The following ODR4 variants were observed in gnomAD, a reference collection of about 807,000 sequenced individuals.
The protein encoded by ODR4 is odr-4 GPCR localization factor homolog, also known as protein odr-4 homolog.
In ODR4, 47 loss-of-function variants were observed where a neutral mutation model predicts 60.2. The observed-to-expected ratio is 0.78, with a 90% CI of 0.62 to 1.00. ODR4 has a LOEUF of 1.00. ODR4 is among the 50% of genes least tolerant of loss of function. ODR4 has a pLI of 0.00. For missense variants in ODR4, 488 were observed against 530.8 expected, an observed-to-expected ratio of 0.92 and a Z score of 0.79; for synonymous variants, 178 against 175.5, an observed-to-expected ratio of 1.01 and a Z score of -0.11.
At chr1:186,426,254 A>G (rs1407284179), downstream of ODR4, among the ~76,000 whole-genome samples, 2 of 152,192 alleles carry the variant, frequency 1.3e-5, no homozygotes, top group South Asian at 2.1e-4. Context: ...TCCACAACAA[A>G]CAACCTCAAA....
intron 11 of ODR4, chr1:186,401,024 C>A (rs1285078922): frequency 6.3e-7 from 1 of 1,581,466 alleles, no homozygotes; most frequent in East Asian, 2.3e-5. Flanking sequence ...AGCTGCATTG[C>A]AGGTTTCAGG....
chr1:186,428,618 G>C, the ODR4 span, among the ~76,000 whole-genome samples: 1 of 152,298 alleles, frequency 6.6e-6, no homozygotes, highest in South Asian at 2.1e-4. Flanking sequence ...GTTGCAAGAG[G>C]CTTAGCTTTC....
intron 9 of ODR4, among the ~76,000 whole-genome samples, chr1:186,395,467 G>T (rs956113098): frequency 6.6e-6 from 1 of 152,108 alleles, no homozygotes; most frequent in African/African-American, 2.4e-5. Flanking sequence ...TGGAAATTTT[G>T]AAGTGACTAA....
At chr1:186,411,903 C>CTT (rs1661395394) in intron 12 of ODR4, 4 of 836,706 alleles carry the variant, frequency 4.8e-6, no homozygotes, top group Non-Finnish European at 5.8e-6. Context: ...GGTGTGTATA[C>CTT]TTACATGTAT....
intron 12 of ODR4, among the ~76,000 whole-genome samples, chr1:186,412,392 A>G (rs1184487405): frequency 2.0e-5 from 3 of 152,142 alleles, no homozygotes; most frequent in Non-Finnish European, 4.4e-5. Context: ...GTTTTGAAGG[A>G]TGAATACAAA....
At chr1:186,397,263 C>T (rs1660718702) in intron 9 of ODR4, among the ~76,000 whole-genome samples, 1 of 152,184 alleles carries the variant, frequency 6.6e-6, no homozygotes. Context: ...TTCCTGATTG[C>T]ATAAGCACAT....
intron 2 of ODR4, among the ~76,000 whole-genome samples, chr1:186,380,204 T>A (rs1283985871): frequency 1.3e-5 from 2 of 152,214 alleles, no homozygotes; most frequent in African/African-American, 4.8e-5. Flanking sequence ...AAGTGTTTTG[T>A]ATTCCCTTCT....
rs369487947 is a variant in ODR4 at position 186,378,682 on chromosome 1, C to T, written c.-19-1085C>T. Among the ~76,000 whole-genome samples, 8 of 152,046 alleles carry T rather than the reference C, an allele frequency of 5.3e-5. No homozygotes were observed. In the East Asian group the frequency reaches 1.5e-3, roughly 29 times the overall value. On this transcript the variant is annotated intron_variant, in intron 1 of 13. Transcript: ENST00000287859. Reference sequence around the variant, plus strand: ...GAGCCAGAGTGTCTGAATTTAAGTCCCTCCTTTGCCACTTACCCAGCTTTG... The same window carrying T: ...GAGCCAGAGTGTCTGAATTTAAGTCTCTCCTTTGCCACTTACCCAGCTTTG...
intron 12 of ODR4, chr1:186,411,827 A>T (rs1227005957): frequency 1.0e-6 from 1 of 972,750 alleles, no homozygotes; most frequent in Non-Finnish European, 1.2e-6. Flanking sequence ...ATAGAGATGG[A>T]TTAACAGTAG....
At chr1:186,411,832 CAGT>C (rs1661392631) in intron 12 of ODR4, 1 of 974,300 alleles carries the variant, frequency 1.0e-6, no homozygotes, top group Non-Finnish European at 1.2e-6. Flanking sequence ...GATGGATTAA[CAGT>C]AGGAAGAGTT....
At chr1:186,390,920 G>A (rs1660445156) in intron 7 of ODR4, 69 bp downstream of exon 7, 3 of 1,413,030 alleles carry the variant, frequency 2.1e-6, no homozygotes, top group Non-Finnish European at 1.9e-6. Context: ...CTGCTTACAT[G>A]TGTCATTCAT....
At chr1:186,391,346 CTT>C (rs34047963) in intron 7 of ODR4, among the ~76,000 whole-genome samples, 142 of 140,240 alleles carry the variant, frequency 1.0e-3, no homozygotes, top group African/African-American at 2.7e-3. Flanking sequence ...TCAAATAGAG[CTT>C]TTTTTTTTTA....
chr1:186,390,504 C>T (rs1571671303), intron 6 of ODR4, among the ~76,000 whole-genome samples: 1 of 152,120 alleles, frequency 6.6e-6, no homozygotes, highest in African/African-American at 2.4e-5. Context: ...GAAGTATTGC[C>T]AAGGATGTAT....
intron 6 of ODR4, 49 bp downstream of exon 6, chr1:186,389,673 A>T (rs2102033287): frequency 7.6e-7 from 1 of 1,311,606 alleles, no homozygotes; most frequent in Non-Finnish European, 1.1e-6. Context: ...AAGTATTTTC[A>T]ATCAAAATTC....
chr1:186,383,151 T>A lies in ODR4; in HGVS notation c.229T>A (p.Cys77Ser), dbSNP rs1482237978. 10 of 1,542,354 alleles carry A rather than the reference T, an allele frequency of 6.5e-6. No homozygotes were observed. Among genetic ancestry groups the A allele is most frequent in the Non-Finnish European group, 7.9e-6 (9 of 1,144,982 alleles). Reference protein sequence around the residue: ...LDEEWATEHACQVSRMLPGGL... With the variant: ...LDEEWATEHASQVSRMLPGGL... ...TGAAGAATGGGCCACAGAACATGCCTGCCAGGTTATCTTATTTTTTTGTTT... is the reference window on the plus strand; with the variant it reads ...TGAAGAATGGGCCACAGAACATGCCAGCCAGGTTATCTTATTTTTTTGTTT... The change falls in exon 3 of 14, where the codon TGC (cysteine) becomes AGC (serine). Residue 77 changes from cysteine to serine, a missense_variant. Coordinates refer to ENST00000287859, the MANE Select transcript of ODR4 (RefSeq NM_017847.6).
At chr1:186,426,560 G>C in the ODR4 span, among the ~76,000 whole-genome samples, 1 of 152,136 alleles carries the variant, frequency 6.6e-6, no homozygotes, top group Non-Finnish European at 1.5e-5. Flanking sequence ...ATCCTCTCAA[G>C]GCCTGGTCTT....
At chr1:186,389,705 A>G (rs1476950699) in intron 6 of ODR4, 81 bp downstream of exon 6, 2 of 987,092 alleles carry the variant, frequency 2.0e-6, no homozygotes, top group Non-Finnish European at 3.0e-6. Context: ...AGTTTTAATA[A>G]TTTCCATTGC....
intron 12 of ODR4, among the ~76,000 whole-genome samples, chr1:186,415,869 A>G (rs1199811452): frequency 1.3e-5 from 2 of 152,222 alleles, no homozygotes; most frequent in Non-Finnish European, 2.9e-5. Flanking sequence ...AATGCCTGTG[A>G]TGGTCGAAAT....
intron 11 of ODR4, among the ~76,000 whole-genome samples, chr1:186,402,373 C>T (rs746943910): frequency 5.5e-5 from 8 of 146,768 alleles, no homozygotes; most frequent in Non-Finnish European, 1.0e-4. Context: ...TTTCTCTCTC[C>T]TTCCTTCCTT....
Sources: gnomAD v4.1 joint callset for allele counts (sites outside exome capture counted in the v4.1 genomes callset) on GRCh38, gnomAD v4.1.1 for gene constraint, MANE v1.5 for transcripts, NCBI Gene and HGNC (gene_info 2026-07-23, HGNC 2026-07-21) for gene names.